CLCN5: variants seen among roughly 807,000 people sequenced by gnomAD.
The protein encoded by CLCN5 is H(+)/Cl(-) exchange transporter 5.
Under a neutral mutation model 54.0 loss-of-function variants are expected in CLCN5, and 17 were observed. The observed-to-expected ratio is 0.31, with a 90% CI of 0.22 to 0.47. CLCN5 has a LOEUF of 0.47. Ranked by LOEUF, CLCN5 falls within the 20% of genes least tolerant of loss-of-function variation. The pLI is 1.00. For missense variants in CLCN5, 448 were observed against 646.7 expected (o/e 0.69, Z 3.33); for synonymous variants, 222 against 233.0 (o/e 0.95, Z 0.43).
In CLCN5 at chrX:50,034,617, C is replaced by T. The variant is rs782361693; in HGVS notation, c.17-7699C>T. Among the ~76,000 whole-genome samples the T allele has an allele frequency of 1.4e-3, 156 of 111,419 alleles. 2 individuals are homozygous for T. The highest frequency in any genetic ancestry group is 5.7e-4 in the Admixed American group (6 of 10,468). ...TTGTGGGGTCGTGTGTGTCAGCCCA[C>T]CTGTTGTTTTATACATTTGTTTTTG... On this transcript the variant is annotated intron_variant, in intron 3 of 14. Coordinates refer to ENST00000376091, the MANE Select transcript of CLCN5 (RefSeq NM_001127898.4).
At position 50,097,145 on chromosome X, in the gene CLCN5, T is replaced by G. The variant is rs1557195755; in HGVS notation, c.*4926T>G. 8.9e-6 allele frequency: 1 copy of G among 112,477 alleles called. No individual in the cohort carries two copies. The allele number at this position is 112,477 out of a possible 1,213,427, so 9.3% of individuals were successfully genotyped here. On this transcript the variant is annotated 3_prime_UTR_variant, in exon 15 of 15. Transcript: ENST00000376091. The stretch of plus-strand genomic sequence containing the variant: ...GTTGTCCTGGGGTGATCGCTGACTC[T>G]GCTCTGTTTCATATTTCAGTTGCTT...
Position 50,088,852 on chromosome X carries a change from T to A in CLCN5, c.1712T>A (p.Leu571His). 1 of 1,211,387 alleles carries A rather than the reference T, an allele frequency of 8.3e-7. No homozygotes were observed. Among genetic ancestry groups the A allele is most frequent in the Non-Finnish European group, 1.1e-6 (1 of 895,174 alleles). ...SQGADCITPG[L>H]YAMVGAAACL... ...GGAGCTGATTGCATCACCCCCGGCC[T>A]TTATGCAATGGTTGGGGCTGCAGCC... Residue 571 changes from leucine to histidine, a missense_variant, in exon 12 of 15, where the codon CTT becomes CAT. Around this residue, in one of 5 missense-constraint regions of CLCN5, gnomAD observed 297 missense variants for 470.4 expected, o/e 0.63. Transcript: ENST00000376091.
chrX:50,025,402 C>T (rs1000938039), intron 3 of CLCN5, among the ~76,000 whole-genome samples: 5 of 96,193 alleles, frequency 5.2e-5, no homozygotes, highest in South Asian at 5.7e-4. Flanking sequence ...GAGATGAACC[C>T]GGTACCTCAG....
At chrX:50,080,924 G>C (rs1173851166) in intron 8 of CLCN5, among the ~76,000 whole-genome samples, 1 of 111,222 alleles carries the variant, frequency 9.0e-6, no homozygotes, top group African/African-American at 3.3e-5. Flanking sequence ...AGCCTCCTGA[G>C]GGTTCCTGTT....
At chrX:50,082,918 A>C in intron 9 of CLCN5, among the ~76,000 whole-genome samples, 1 of 111,303 alleles carries the variant, frequency 9.0e-6, no homozygotes, top group Non-Finnish European at 1.9e-5. Context: ...CAGCCCAGCT[A>C]AATTAGTCCC....
At chrX:50,090,535 A>G in intron 13 of CLCN5, 21 bp downstream of exon 13, 1 of 1,195,681 alleles carries the variant, frequency 8.4e-7, no homozygotes, top group Non-Finnish European at 1.1e-6. Context: ...CAGAAAGGGG[A>G]TAGTGGAATC....
intron 4 of CLCN5, among the ~76,000 whole-genome samples, chrX:50,045,892 C>A (rs1238702810): frequency 8.9e-6 from 1 of 112,231 alleles, no homozygotes; most frequent in Admixed American, 9.4e-5. Flanking sequence ...AAAAAGGTCA[C>A]AATGTCCTTG....
At chrX:50,072,097 T>C (rs1933238319) in intron 5 of CLCN5, among the ~76,000 whole-genome samples, 1 of 112,180 alleles carries the variant, frequency 8.9e-6, no homozygotes, top group African/African-American at 3.2e-5. Context: ...ATTTGTACTT[T>C]TATCACTCAA....
intron 3 of CLCN5, among the ~76,000 whole-genome samples, chrX:50,039,342 A>G (rs1557186869): frequency 8.9e-6 from 1 of 111,849 alleles, no homozygotes; most frequent in Non-Finnish European, 1.9e-5. Context: ...TAATACGTTT[A>G]TATGCATAGT....
chrX:50,080,863 A>G (rs973397689), intron 8 of CLCN5, 147 bp downstream of exon 8: 8 of 512,088 alleles, frequency 1.6e-5, no homozygotes, highest in Non-Finnish European at 2.7e-5. Flanking sequence ...AGGTCTTTCC[A>G]CAAGTCCCTC....
At chrX:50,023,145 T>C (rs1189356865) in intron 3 of CLCN5, among the ~76,000 whole-genome samples, 2 of 94,550 alleles carry the variant, frequency 2.1e-5, no homozygotes, top group Non-Finnish European at 3.9e-5. Context: ...GGACTTGCTT[T>C]ATGAATCTGG....
intron 3 of CLCN5, among the ~76,000 whole-genome samples, chrX:49,975,723 C>T (rs1465649466): frequency 3.6e-5 from 4 of 111,575 alleles, no homozygotes. Flanking sequence ...AGAGTTGGGA[C>T]GTGTTCATCA....
chrX:50,064,261 CCGT>C (rs1557190434), intron 4 of CLCN5, among the ~76,000 whole-genome samples: 1 of 110,106 alleles, frequency 9.1e-6, no homozygotes, highest in Admixed American at 9.8e-5. Context: ...CTATAAAACC[CCGT>C]CGTCTCAGCC....
At chrX:50,033,421 A>G (rs1327929182) in intron 3 of CLCN5, among the ~76,000 whole-genome samples, 1 of 111,491 alleles carries the variant, frequency 9.0e-6, no homozygotes, top group Non-Finnish European at 1.9e-5. Context: ...ATTCACAATT[A>G]CTTCAAAGAG....
At chrX:49,931,106 T>G (rs1878041416) in intron 3 of CLCN5, among the ~76,000 whole-genome samples, 1 of 111,546 alleles carries the variant, frequency 9.0e-6, no homozygotes, top group African/African-American at 3.3e-5. Flanking sequence ...GAACAGTATT[T>G]TTGAAGTTCC....
At chrX:49,930,023 C>A (rs1359831059) in intron 3 of CLCN5, among the ~76,000 whole-genome samples, 1 of 110,771 alleles carries the variant, frequency 9.0e-6, no homozygotes, top group Non-Finnish European at 1.9e-5. Flanking sequence ...AAAGACTTAA[C>A]AGGGGGATAA....
intron 3 of CLCN5, among the ~76,000 whole-genome samples, chrX:49,999,275 G>C (rs1375435478): frequency 9.0e-6 from 1 of 111,298 alleles, no homozygotes; most frequent in Non-Finnish European, 1.9e-5. Flanking sequence ...ATTGGGGTGT[G>C]AGCTGTCTCA....
chrX:50,022,692 G>T (rs1557184518), intron 3 of CLCN5, among the ~76,000 whole-genome samples: 1 of 82,111 alleles, frequency 1.2e-5, no homozygotes, highest in East Asian at 3.4e-4. Context: ...GTTCTCTTTG[G>T]TTTCAAAGAA....
At chrX:50,091,182 C>T (rs1185650451) in intron 14 of CLCN5, among the ~76,000 whole-genome samples, 1 of 111,979 alleles carries the variant, frequency 8.9e-6, no homozygotes, top group Non-Finnish European at 1.9e-5. Flanking sequence ...ACTGAAATTA[C>T]AGTAGCATCA....
Sources: gnomAD v4.1 joint callset for allele counts (sites outside exome capture counted in the v4.1 genomes callset) on GRCh38, gnomAD v4.1.1 for gene constraint, gnomAD v4.1.1 regional missense constraint, MANE v1.5 for transcripts, NCBI Gene and HGNC (gene_info 2026-07-23, HGNC 2026-07-21) for gene names.